SIPA1L1: variants seen among roughly 807,000 people sequenced by gnomAD.
SIPA1L1 encodes signal induced proliferation associated 1 like 1.
Under a neutral mutation model 162.7 loss-of-function variants are expected in SIPA1L1, and 26 were observed. That is an observed-to-expected ratio of 0.16 (90% CI 0.12 to 0.22). The LOEUF (loss-of-function observed/expected upper bound fraction) is 0.22, where lower values mean the gene tolerates loss of function less well. SIPA1L1 is among the 10% of genes least tolerant of loss of function. The pLI is 1.00. For synonymous variants in SIPA1L1, 829 were observed against 837.4 expected, an observed-to-expected ratio of 0.99 and a Z score of 0.17; for missense variants, 1,874 against 2,241.0, an observed-to-expected ratio of 0.84 and a Z score of 3.31.
At chr14:71,424,300 T>C (rs577233720) in intron 2 of SIPA1L1, among the ~76,000 whole-genome samples, 2 of 152,246 alleles carry the variant, frequency 1.3e-5, no homozygotes, top group African/African-American at 2.4e-5. Context: ...TGGAACTTCC[T>C]GTACTAGGTT....
chr14:71,386,726 A>T (rs2141273114), intron 2 of SIPA1L1, among the ~76,000 whole-genome samples: 1 of 152,278 alleles, frequency 6.6e-6, no homozygotes, highest in South Asian at 2.1e-4. Context: ...TAACTGAATG[A>T]TCCTTTTATT....
At chr14:71,612,894 T>C (rs571169479) in intron 5 of SIPA1L1, among the ~76,000 whole-genome samples, 1 of 152,338 alleles carries the variant, frequency 6.6e-6, no homozygotes, top group African/African-American at 2.4e-5. Flanking sequence ...ACTATTTACC[T>C]GGAATATTTT....
Position 71,671,398 on chromosome 14 carries a change from T to C in SIPA1L1, c.2535T>C (p.Ser845=). 1.2e-6 allele frequency: 2 copies of C among 1,614,220 alleles called. No homozygotes were observed. Among genetic ancestry groups the C allele is most frequent in the Middle Eastern group, 1.6e-4 (1 of 6,062 alleles). Reference sequence around the variant, plus strand: ...TGGCTTCCAAGAAGAAGGAAAAGTCTAAGCCATATCCAGGAGCCGAGCTCA... The same window carrying C: ...TGGCTTCCAAGAAGAAGGAAAAGTCCAAGCCATATCCAGGAGCCGAGCTCA... ...ISLASKKKEK[S]KPYPGAELSS... The change falls in exon 11 of 24, where the codon TCT becomes TCC. Residue 845 remains serine (S), a synonymous_variant. Transcript: ENST00000381232.
At chr14:71,595,754 C>G (rs146047629) in intron 5 of SIPA1L1, among the ~76,000 whole-genome samples, 1 of 152,238 alleles carries the variant, frequency 6.6e-6, no homozygotes, top group East Asian at 1.9e-4. Flanking sequence ...ACCATTTTTT[C>G]CCCTCCTCAT....
intron 22 of SIPA1L1, among the ~76,000 whole-genome samples, chr14:71,737,931 A>G (rs1339947668): frequency 6.6e-6 from 1 of 152,154 alleles, no homozygotes; most frequent in Non-Finnish European, 1.5e-5. Context: ...TATCTGCCAG[A>G]AAGTACCTCT....
At chr14:71,463,983 T>C (rs1216683523) in intron 2 of SIPA1L1, among the ~76,000 whole-genome samples, 1 of 152,196 alleles carries the variant, frequency 6.6e-6, no homozygotes, top group Non-Finnish European at 1.5e-5. Flanking sequence ...AATCCAATTA[T>C]TCCCATTGTA....
chr14:71,544,177 G>A lies in SIPA1L1; in HGVS notation c.-303+14807G>A, dbSNP rs185591027. Reference sequence around the variant, plus strand: ...TGTGTGTATATGTACATATATGCACGTGTGTGTATATATACATATGCATGT... The same window carrying A: ...TGTGTGTATATGTACATATATGCACATGTGTGTATATATACATATGCATGT... On this transcript the variant is annotated intron_variant, in intron 4 of 23. Transcript: ENST00000381232. 1.9e-3 allele frequency among the ~76,000 whole-genome samples: 293 copies of A among 150,264 alleles called. 1 individual carries two copies. The highest frequency in any genetic ancestry group is 5.6e-3 in the South Asian group (27 of 4,794).
chr14:71,617,794 T>C (rs915915368), intron 5 of SIPA1L1, among the ~76,000 whole-genome samples: 10 of 152,200 alleles, frequency 6.6e-5, no homozygotes, highest in African/African-American at 1.7e-4. Context: ...AATACAATAA[T>C]GTATAAATGA....
intron 2 of SIPA1L1, among the ~76,000 whole-genome samples, chr14:71,491,354 A>G (rs554174078): frequency 6.6e-6 from 1 of 152,166 alleles, no homozygotes; most frequent in African/African-American, 2.4e-5. Context: ...AGCCCCTTCT[A>G]TGTGTCAGGC....
At chr14:71,595,840 G>C (rs1372187863) in intron 5 of SIPA1L1, among the ~76,000 whole-genome samples, 18 of 152,092 alleles carry the variant, frequency 1.2e-4, no homozygotes, top group Admixed American at 1.2e-3. Context: ...ACGATCTCTA[G>C]TCTACCTTCA....
chr14:71,533,491 A>G (rs61989390), intron 4 of SIPA1L1, among the ~76,000 whole-genome samples: 1 of 152,172 alleles, frequency 6.6e-6, no homozygotes, highest in Non-Finnish European at 1.5e-5. Flanking sequence ...GCTTTTTAAT[A>G]TGTGAATAAA....
At chr14:71,578,180 A>T (rs1302735395) in intron 4 of SIPA1L1, among the ~76,000 whole-genome samples, 1 of 152,164 alleles carries the variant, frequency 6.6e-6, no homozygotes, top group Non-Finnish European at 1.5e-5. Context: ...AAGTGCTGGG[A>T]TTACAGGCGT....
At chr14:71,652,013 C>T (rs1332396490) in intron 8 of SIPA1L1, among the ~76,000 whole-genome samples, 2 of 152,030 alleles carry the variant, frequency 1.3e-5, no homozygotes, top group Admixed American at 1.3e-4. Context: ...TTAAGTAGTT[C>T]AACTTTATGA....
chr14:71,321,948 C>G (rs959566601), intron 2 of SIPA1L1: 10 of 152,146 alleles, frequency 6.6e-5, no homozygotes, highest in African/African-American at 2.4e-4. Context: ...CATTCGTTTT[C>G]TAAGAGAAGC....
chr14:71,733,807 A>G lies in SIPA1L1; in HGVS notation c.5003A>G (p.Tyr1668Cys), dbSNP rs754997980. ...AACCTGGTAGATGCTGCCAAAGCCT[A>G]TGAGGGTGAGTCCACTGAATCCACA... The part of the protein sequence containing the change: ...WSNLVDAAKA[Y>C]EVQRASFFAA... The change falls in exon 21 of 24, where the codon TAT becomes TGT. Residue 1668 changes from tyrosine to cysteine, a missense_variant. Tyr to Cys is a radical substitution (Grantham distance 194). Transcript: ENST00000381232. The G allele has an allele frequency of 6.2e-7, 1 of 1,612,230 alleles. No homozygotes were observed. Among genetic ancestry groups the G allele is most frequent in the Non-Finnish European group, 8.5e-7 (1 of 1,179,844 alleles).
intron 14 of SIPA1L1, among the ~76,000 whole-genome samples, chr14:71,699,483 C>T (rs2081921608): frequency 6.6e-6 from 1 of 152,196 alleles, no homozygotes; most frequent in Admixed American, 6.5e-5. Context: ...GAATGAGAGG[C>T]AGTTAAGAAG....
chr14:71,518,846 C>T (rs2052005519), intron 3 of SIPA1L1, among the ~76,000 whole-genome samples: 2 of 152,136 alleles, frequency 1.3e-5, no homozygotes, highest in South Asian at 4.1e-4. Flanking sequence ...ATTGGACTTA[C>T]AGTTCTACAT....
intron 4 of SIPA1L1, among the ~76,000 whole-genome samples, chr14:71,564,829 C>T (rs180679441): frequency 2.6e-5 from 4 of 152,244 alleles, no homozygotes; most frequent in East Asian, 1.9e-4. Flanking sequence ...GCTCTTTCTC[C>T]GCTTAGTGTA....
At chr14:71,557,091 C>G (rs1210734622) in intron 4 of SIPA1L1, among the ~76,000 whole-genome samples, 1 of 152,210 alleles carries the variant, frequency 6.6e-6, no homozygotes, top group Non-Finnish European at 1.5e-5. Flanking sequence ...ACCAATATAG[C>G]TATCATAACA....
Sources: allele counts gnomAD v4.1 joint callset (sites outside exome capture counted in the v4.1 genomes callset), GRCh38; gene constraint gnomAD v4.1.1; transcripts MANE v1.5; gene names NCBI Gene and HGNC (gene_info 2026-07-23, HGNC 2026-07-21).